The following COL2A1 variants were observed in gnomAD, a reference collection of about 807,000 sequenced individuals.
COL2A1 encodes the protein collagen alpha-1(II) chain.
Under a neutral mutation model 204.5 loss-of-function variants are expected in COL2A1, and 28 were observed. That is an observed-to-expected ratio of 0.14 (90% CI 0.10 to 0.19). The LOEUF (loss-of-function observed/expected upper bound fraction) is 0.19, where lower values mean the gene tolerates loss of function less well. COL2A1 is among the 10% of genes least tolerant of loss of function. The probability of loss-of-function intolerance (pLI) is 1.00; values close to 1 mark genes in which losing one functional copy is unlikely to be tolerated. For synonymous variants in COL2A1, 708 were observed against 718.7 expected (o/e 0.99, Z 0.24); for missense variants, 1,388 against 2,027.5 (o/e 0.68, Z 6.06).
chr12:47,998,581 CTG>C, intron 2 of COL2A1, 150 bp from the exon 3 acceptor site: 1 of 796,590 alleles, frequency 1.3e-6, no homozygotes. Context: ...CTGAACCCCT[CTG>C]TTGGGGTGTT....
In COL2A1 at chr12:47,974,275, G is replaced by A. The variant is rs144742519; in HGVS notation, c.4131C>T (p.Phe1377=). Residue 1377 remains phenylalanine, a synonymous_variant, in exon 53 of 54, where the codon TTC becomes TTT. Transcript: ENST00000380518. The part of the protein sequence containing the change: ...APNTANVQMT[F]LRLLSTEGSQ... ...AGCCTTCCGTGGACAGCAGGCGTAG[G>A]AAGGTCATCTGGACGTTGGCAGTGT... The A allele has an allele frequency of 1.9e-6, 3 of 1,614,230 alleles. No homozygotes were observed. The highest frequency in any genetic ancestry group is 2.5e-6 in the Non-Finnish European group (3 of 1,180,044).
chr12:47,998,453 G>C, intron 2 of COL2A1, 22 bp from the exon 3 acceptor site: 1 of 1,608,820 alleles, frequency 6.2e-7, no homozygotes, highest in Non-Finnish European at 8.5e-7. Context: ...AAAATATAGA[G>C]AAGAAGAAGG....
At position 47,989,337 on chromosome 12, in the gene COL2A1, C is replaced by T. The variant is rs1212643524; in HGVS notation, c.1069-56G>A. 53 of 1,411,816 alleles carry T rather than the reference C, an allele frequency of 3.8e-5. 1 individual carries two copies. In the South Asian group the frequency reaches 4.3e-4, roughly 11 times the overall value. 87.5% of individuals were successfully genotyped at this position (1,411,816 alleles called of 1,614,324 possible). On this transcript the variant is annotated intron_variant, in intron 17 of 53. Transcript: ENST00000380518. ...TGAATGCCAGTTCTGGCCTCCAAAGCGAGCCACCCCGACACCTCACACTCC... is the reference window on the plus strand; with the variant it reads ...TGAATGCCAGTTCTGGCCTCCAAAGTGAGCCACCCCGACACCTCACACTCC...
At chr12:48,003,991 C>A (rs1287992415) in intron 1 of COL2A1, 1 of 533,252 alleles carries the variant, frequency 1.9e-6, no homozygotes. Flanking sequence ...AGTATTCTAG[C>A]GCAACGTAGG....
At position 47,973,979 on chromosome 12, in the gene COL2A1, C is replaced by T. The variant is rs568405681; in HGVS notation, c.4317+110G>A. On this transcript the variant is annotated intron_variant, in intron 53 of 53. Transcript: ENST00000380518. ...CTCTACATGACCCTCAAACTCATGC[C>T]TCTGATGATCCTGTCACTTTAGGAC... The T allele has an allele frequency of 4.6e-6, 7 of 1,513,972 alleles. No homozygotes were observed. In the African/African-American group the frequency reaches 9.6e-5, roughly 21 times the overall value. The allele number at this position is 1,513,972 out of a possible 1,614,324, so 93.8% of individuals were successfully genotyped here.
chr12:47,986,061 T>TTG, intron 23 of COL2A1, 96 bp from the exon 24 acceptor site: 1 of 1,216,362 alleles, frequency 8.2e-7, no homozygotes, highest in Non-Finnish European at 1.2e-6. Flanking sequence ...AACCCCAATT[T>TTG]CTGGGGAGCA....
Position 47,978,513 on chromosome 12 carries a change from C to A in COL2A1, c.2895+84G>T. The A allele has an allele frequency of 6.3e-7, 1 of 1,591,398 alleles. No homozygotes were observed. The highest frequency in any genetic ancestry group is 1.3e-5 in the African/African-American group (1 of 74,448). ...CTGGCATCCCCACGGCCCCTGCTCCCTCCTACCCCATGCTCTGTGAGCTCA... is the reference window on the plus strand; with the variant it reads ...CTGGCATCCCCACGGCCCCTGCTCCATCCTACCCCATGCTCTGTGAGCTCA... On this transcript the variant is annotated intron_variant, in intron 42 of 53. Transcript: ENST00000380518. This position sits in a 1 kb window ranked among gnomAD's most constrained non-coding sequence, Gnocchi z 5.5.
chr12:47,984,008 T>G, intron 29 of COL2A1, 79 bp downstream of exon 29: 1 of 1,293,946 alleles, frequency 7.7e-7, no homozygotes, highest in Non-Finnish European at 1.1e-6. Flanking sequence ...TCAGCTCCAT[T>G]AATGGATGGG....
At chr12:47,993,553 C>G in intron 14 of COL2A1, 51 bp from the exon 15 acceptor site, 1 of 1,526,756 alleles carries the variant, frequency 6.5e-7, no homozygotes. Context: ...TCTTGGCCGC[C>G]AGCAAACTCC....
rs372229776 is a variant in COL2A1, at chr12:48,004,314, C to T, written c.8G>A (p.Arg3His). 1.9e-6 allele frequency: 3 copies of T among 1,546,316 alleles called. No homozygotes were observed. Among genetic ancestry groups the T allele is most frequent in the Non-Finnish European group, 2.6e-6 (3 of 1,143,450 alleles). The part of the protein sequence containing the change: MI[R>H]LGAPQTLVLL... ...CACCAGCGTCTGGGGAGCCCCGAGGCGAATCATGGCTCACCGCGGGGCCTG... is the reference window on the plus strand; with the variant it reads ...CACCAGCGTCTGGGGAGCCCCGAGGTGAATCATGGCTCACCGCGGGGCCTG... Residue 3 changes from arginine to histidine, a missense_variant, in exon 1 of 54, where the codon CGC becomes CAC. By Grantham distance (29) the Arg-to-His change is conservative. Coordinates refer to ENST00000380518, the MANE Select transcript of COL2A1 (RefSeq NM_001844.5).
At chr12:47,983,532 G>T in intron 30 of COL2A1, 94 bp from the exon 31 acceptor site, 1 of 1,476,772 alleles carries the variant, frequency 6.8e-7, no homozygotes, top group Non-Finnish European at 9.4e-7. Context: ...AAGAAAGGAA[G>T]CAGCAGCAGT....
rs1243919014 is a variant in COL2A1 at position 47,976,439 on chromosome 12, A to G, written c.3489+75T>C. 1.3e-6 allele frequency: 2 copies of G among 1,522,978 alleles called. No homozygotes were observed. Among genetic ancestry groups the G allele is most frequent in the African/African-American group, 2.7e-5 (2 of 72,968 alleles). 94.3% of individuals were successfully genotyped at this position (1,522,978 alleles called of 1,614,324 possible). Reference sequence around the variant, plus strand: ...CCACAGCTTCCCCAGAAGCAGCAGCATTTCCCTCCCCATGGGAACACAGGC... The same window carrying G: ...CCACAGCTTCCCCAGAAGCAGCAGCGTTTCCCTCCCCATGGGAACACAGGC... On this transcript the variant is annotated intron_variant, in intron 49 of 53. Transcript: ENST00000380518. The surrounding 1 kb of genome is among the most constrained non-coding windows in gnomAD (Gnocchi z 4.3).
Position 47,987,865 on chromosome 12 carries a change from C to T in COL2A1, c.1123-156G>A, listed in dbSNP as rs114068339. Among the ~76,000 whole-genome samples the T allele has an allele frequency of 2.7e-3, 404 of 152,284 alleles. 1 individual carries two copies. The highest frequency in any genetic ancestry group is 9.0e-3 in the African/African-American group (375 of 41,534). On this transcript the variant is annotated intron_variant, in intron 18 of 53. Coordinates refer to ENST00000380518, the MANE Select transcript of COL2A1 (RefSeq NM_001844.5). The surrounding 1 kb of genome is among the most constrained non-coding windows in gnomAD (Gnocchi z 4.1). ...AACATGTGCGTTCACACACAGTTCA[C>T]GCTGCCGTTTTTCTCCCTGCCTGAC...
intron 6 of COL2A1, 42 bp downstream of exon 6, chr12:47,997,829 T>C: frequency 6.2e-7 from 1 of 1,613,748 alleles, no homozygotes; most frequent in Non-Finnish European, 8.5e-7. Context: ...TTGGGGGACC[T>C]GGGAAGTCCA....
chr12:47,983,236 G>A (rs909927922), intron 31 of COL2A1, 99 bp from the exon 32 acceptor site: 1 of 1,507,776 alleles, frequency 6.6e-7, no homozygotes, highest in Admixed American at 1.9e-5. Flanking sequence ...TCCCATGGGG[G>A]ATTGTGTCAT....
rs759164471 is a variant in COL2A1 at position 47,997,674 on chromosome 12, G to T, written c.463C>A (p.Pro155Thr). The T allele has an allele frequency of 6.2e-7, 1 of 1,614,068 alleles. No homozygotes were observed. Residue 155 changes from proline to threonine, a missense_variant, in exon 7 of 54, where the codon CCT (proline) becomes ACT (threonine). Pro to Thr is a conservative substitution (Grantham distance 38, BLOSUM62 -1). Coordinates refer to ENST00000380518, the MANE Select transcript of COL2A1 (RefSeq NM_001844.5). ...APGPRGRDGE[P>T]GTPGNPGPPG... is the part of the protein sequence containing the mutation. ...GGGCCAGGATTTCCAGGGGTCCCAG[G>T]TTCTCCATCTCTGCCACGAGGTCCA...
At chr12:47,990,483 G>A (rs1038332676) in intron 16 of COL2A1, among the ~76,000 whole-genome samples, 2 of 152,214 alleles carry the variant, frequency 1.3e-5, no homozygotes, top group Non-Finnish European at 2.9e-5. Context: ...TGCTCAGGGG[G>A]AAGCGCTTTC....
rs781516393 is a variant in COL2A1, at chr12:47,976,556, T to C, written c.3447A>G (p.Gly1149=). 2 of 1,614,174 alleles carry C rather than the reference T, an allele frequency of 1.2e-6. No homozygotes were observed. Among genetic ancestry groups the C allele is most frequent in the Admixed American group, 1.7e-5 (1 of 60,028 alleles). ...QGLPGPPGPS[G]DQGASGPAGP... is the part of the protein sequence containing the mutation. ...CAGCAGGACCAGAAGCACCTTGGTC[T>C]CCAGAAGGACCCTGTGTAGAAGGAA... Residue 1149 remains glycine (G), a synonymous_variant, in exon 49 of 54, where the codon GGA becomes GGG. Coordinates refer to ENST00000380518, the MANE Select transcript of COL2A1 (RefSeq NM_001844.5). This position sits in a 1 kb window ranked among gnomAD's most constrained non-coding sequence, Gnocchi z 4.3.
chr12:48,004,172 G>T, intron 1 of COL2A1, 65 bp downstream of exon 1: 1 of 1,242,308 alleles, frequency 8.0e-7, no homozygotes, highest in Non-Finnish European at 1.2e-6. Context: ...GGAGCGGGCC[G>T]GGGAGAAGGA....
Sources: allele counts gnomAD v4.1 joint callset (sites outside exome capture counted in the v4.1 genomes callset), GRCh38; gene constraint gnomAD v4.1.1; non-coding constraint Gnocchi (gnomAD v3.1); transcripts MANE v1.5; gene names NCBI Gene and HGNC (gene_info 2026-07-23, HGNC 2026-07-21).